LY96: variants seen among roughly 807,000 people sequenced by gnomAD.
The protein encoded by LY96 is lymphocyte antigen 96, also known as myeloid differentiation protein-2.
LY96 carries 18 observed loss-of-function variants against 18.9 expected under a neutral mutation model. The ratio of observed to expected loss-of-function variants is 0.95; its 90% CI spans 0.66 to 1.41. LY96 has a LOEUF of 1.41. Among genes scored for constraint, LY96 ranks in the 40% most tolerant of loss-of-function variants. The pLI, the probability that LY96 is intolerant of heterozygous loss-of-function variation, is 0.00. For missense variants in LY96, 175 were observed against 182.4 expected (o/e 0.96, Z 0.23); for synonymous variants, 66 against 62.6 (o/e 1.06, Z -0.26).
intron 3 of LY96, among the ~76,000 whole-genome samples, chr8:74,015,288 T>G (rs1816619048): frequency 6.6e-6 from 1 of 152,204 alleles, no homozygotes; most frequent in Non-Finnish European, 1.5e-5. Flanking sequence ...ACTGAATACC[T>G]TAGAAAAACA....
At chr8:74,050,140 G>A in the LY96 span, among the ~76,000 whole-genome samples, 1 of 152,008 alleles carries the variant, frequency 6.6e-6, no homozygotes, top group Non-Finnish European at 1.5e-5. Flanking sequence ...GTCAGGAGCT[G>A]GAGACCAGCC....
intron 1 of LY96, among the ~76,000 whole-genome samples, chr8:74,003,217 G>A (rs1816335783): frequency 6.6e-6 from 1 of 152,142 alleles, no homozygotes; most frequent in African/African-American, 2.4e-5. Context: ...GGACGAGAGA[G>A]ACCTCGGGGG....
chr8:74,004,687 A>T (rs1032484479), intron 1 of LY96, 109 bp from the exon 2 acceptor site: 1 of 1,056,110 alleles, frequency 9.5e-7, no homozygotes, highest in Admixed American at 2.7e-5. Flanking sequence ...AATTTTTCTT[A>T]TTTTATAATT....
the LY96 span, among the ~76,000 whole-genome samples, chr8:74,070,670 C>G: frequency 1.3e-5 from 2 of 151,980 alleles, no homozygotes; most frequent in Non-Finnish European, 2.9e-5. Context: ...ACAGAAATAC[C>G]CCAGATTCAC....
At chr8:74,066,877 C>A in the LY96 span, among the ~76,000 whole-genome samples, 2 of 152,188 alleles carry the variant, frequency 1.3e-5, no homozygotes, top group Non-Finnish European at 2.9e-5. Flanking sequence ...TTTGCAAATG[C>A]AGCTAAAGAG....
chr8:74,050,369 T>G, the LY96 span, among the ~76,000 whole-genome samples: 1 of 151,716 alleles, frequency 6.6e-6, no homozygotes, highest in African/African-American at 2.4e-5. Context: ...AAAATAAATT[T>G]AGTATGAATT....
chr8:73,991,762 C>T (rs765014159), intron 1 of LY96, among the ~76,000 whole-genome samples: 130 of 152,170 alleles, frequency 8.5e-4, no homozygotes, highest in Non-Finnish European at 1.4e-3. Flanking sequence ...AGTCTCTAAA[C>T]TGTGTTGTGC....
the LY96 span, among the ~76,000 whole-genome samples, chr8:74,042,992 G>A: frequency 6.6e-6 from 1 of 151,994 alleles, no homozygotes; most frequent in African/African-American, 2.4e-5. Context: ...GGCCAGGATG[G>A]TCTCAATCTC....
chr8:74,078,247 G>T, the LY96 span, among the ~76,000 whole-genome samples: 3 of 152,058 alleles, frequency 2.0e-5, no homozygotes, highest in African/African-American at 7.2e-5. Context: ...TGGAGATAAA[G>T]CATCCTTCAG....
intron 1 of LY96, among the ~76,000 whole-genome samples, chr8:74,002,635 A>G (rs1816321038): frequency 6.7e-6 from 1 of 149,274 alleles, no homozygotes; most frequent in Non-Finnish European, 1.5e-5. Flanking sequence ...GTAGTGGCAC[A>G]ATCTTGGCTC....
the LY96 span, among the ~76,000 whole-genome samples, chr8:74,078,162 A>G: frequency 0.054 from 8,229 of 152,116 alleles, 703 homozygotes; most frequent in African/African-American, 0.18. Context: ...TCTATTATTG[A>G]GTGTCTTTCA....
At chr8:74,050,346 TAAA>T in the LY96 span, among the ~76,000 whole-genome samples, 1 of 150,480 alleles carries the variant, frequency 6.6e-6, no homozygotes, top group Non-Finnish European at 1.5e-5. Flanking sequence ...CTATCTCGAT[TAAA>T]AAAAAAGTTA....
intron 3 of LY96, among the ~76,000 whole-genome samples, chr8:74,019,053 A>G (rs536917019): frequency 1.6e-4 from 25 of 152,342 alleles, no homozygotes; most frequent in African/African-American, 6.0e-4. Context: ...AGCTAGCAGA[A>G]GGAAAGAAAT....
chr8:74,051,271 G>A, the LY96 span, among the ~76,000 whole-genome samples: 1 of 152,126 alleles, frequency 6.6e-6, no homozygotes, highest in Admixed American at 6.5e-5. Context: ...AGAACAACAT[G>A]CTTTCAGGCA....
the LY96 span, among the ~76,000 whole-genome samples, chr8:74,053,002 A>G: frequency 6.6e-6 from 1 of 152,340 alleles, no homozygotes; most frequent in South Asian, 2.1e-4. Context: ...TAAAAGTTTA[A>G]CAGCACCATG....
the LY96 span, among the ~76,000 whole-genome samples, chr8:74,065,696 G>A: frequency 6.6e-6 from 1 of 152,138 alleles, no homozygotes; most frequent in Non-Finnish European, 1.5e-5. Flanking sequence ...TTATCCATTA[G>A]GACAACTGAG....
intron 1 of LY96, among the ~76,000 whole-genome samples, chr8:73,997,308 A>G (rs942032835): frequency 1.3e-5 from 2 of 152,170 alleles, no homozygotes; most frequent in Non-Finnish European, 2.9e-5. Flanking sequence ...ATTCTATTCT[A>G]TATCCAAGTG....
the LY96 span, among the ~76,000 whole-genome samples, chr8:74,041,787 C>T: frequency 2.0e-5 from 3 of 152,192 alleles, no homozygotes; most frequent in African/African-American, 7.2e-5. Flanking sequence ...AGATGTTTAT[C>T]AAGACAATAC....
chr8:74,043,075 G>A, the LY96 span, among the ~76,000 whole-genome samples: 42 of 152,174 alleles, frequency 2.8e-4, no homozygotes, highest in African/African-American at 8.7e-4. Flanking sequence ...ATACCTGGCC[G>A]GTTTGTTACC....
Sources: allele counts gnomAD v4.1 joint callset (sites outside exome capture counted in the v4.1 genomes callset), GRCh38; gene constraint gnomAD v4.1.1; transcripts MANE v1.5; gene names NCBI Gene and HGNC (gene_info 2026-07-23, HGNC 2026-07-21).